Variants in TREM1 observed in about 807,000 individuals in gnomAD.
The protein encoded by TREM1 is triggering receptor expressed on monocytes 1.
Under a neutral mutation model 22.4 loss-of-function variants are expected in TREM1, and 16 were observed. The observed-to-expected ratio is 0.71, with a 90% confidence interval of 0.48 to 1.08. The LOEUF (loss-of-function observed/expected upper bound fraction) is 1.08. Among genes scored for constraint, TREM1 ranks in the 50% least tolerant of loss-of-function variants. The pLI is 0.00. For synonymous variants in TREM1, 110 were observed against 111.6 expected (o/e 0.99, Z 0.09); for missense variants, 283 against 282.9 (o/e 1.00, Z 0.00).
chr6:41,282,913 A>T (rs1581635139), intron 1 of TREM1, among the ~76,000 whole-genome samples, 162 bp from the exon 2 acceptor site: 1 of 151,772 alleles, frequency 6.6e-6, no homozygotes, highest in East Asian at 1.9e-4. Flanking sequence ...GCAAGCCAGC[A>T]CTAGACCTCA....
intron 1 of TREM1, 116 bp from the exon 2 acceptor site, chr6:41,282,867 G>T: frequency 2.2e-6 from 2 of 916,614 alleles, no homozygotes; most frequent in Admixed American, 2.3e-5. Context: ...TTCAGATGAG[G>T]TTCTTGAGGC....
At position 41,281,118 on chromosome 6, in the gene TREM1, T is replaced by A. The variant is rs2113986783; in HGVS notation, c.442A>T (p.Thr148Ser). The A allele has an allele frequency of 6.2e-7, 1 of 1,614,110 alleles. No individual in the cohort carries two copies. The highest frequency in any genetic ancestry group is 8.5e-7 in the Non-Finnish European group (1 of 1,179,988). ...SGTPGSNENS[T>S]QNVYKIPPTT... ...GGAGGAATCTTATACACATTCTGGG[T>A]AGAATTCTCATTGGAGCCAGGGGTC... The change falls in exon 3 of 4, where the codon ACC (threonine) becomes TCC (serine). Residue 148 changes from threonine (T) to serine (S), a missense_variant. Thr to Ser is a moderately conservative substitution (Grantham distance 58). Coordinates refer to ENST00000244709, the MANE Select transcript of TREM1 (RefSeq NM_018643.5).
At chr6:41,286,419 T>C (rs916565069) in intron 1 of TREM1, among the ~76,000 whole-genome samples, 188 bp downstream of exon 1, 3 of 152,006 alleles carry the variant, frequency 2.0e-5, no homozygotes, top group African/African-American at 7.2e-5. Flanking sequence ...TCCCTGACTC[T>C]CTCCTTCTTT....
chr6:41,271,124 G>A (rs34542207), downstream of TREM1, among the ~76,000 whole-genome samples: 14,204 of 152,140 alleles, frequency 0.093, 730 homozygotes, highest in South Asian at 0.13. Flanking sequence ...CAGTCAACCT[G>A]AACAGTTGTA....
chr6:41,281,994 C>G, intron 2 of TREM1: 1 of 211,466 alleles, frequency 4.7e-6, no homozygotes, highest in South Asian at 8.5e-5. Context: ...TTGGAGTGTG[C>G]ATTTGAAATA....
downstream of TREM1, among the ~76,000 whole-genome samples, chr6:41,272,169 G>T (rs1293429185): frequency 6.6e-6 from 1 of 152,064 alleles, no homozygotes; most frequent in Admixed American, 6.6e-5. Flanking sequence ...GAAAAAGAGA[G>T]GCAGGCTGGC....
intron 3 of TREM1, among the ~76,000 whole-genome samples, chr6:41,268,498 G>A (rs371639487): frequency 2.0e-4 from 31 of 152,316 alleles, no homozygotes; most frequent in African/African-American, 7.0e-4. Flanking sequence ...CCATCCACTG[G>A]TGCCTGAATT....
chr6:41,283,709 TA>T (rs545773140), intron 1 of TREM1, among the ~76,000 whole-genome samples: 13,740 of 148,808 alleles, frequency 0.092, 750 homozygotes, highest in African/African-American at 0.14. Context: ...AAGACTCTGT[TA>T]AAAAAAAAAA....
intron 3 of TREM1, among the ~76,000 whole-genome samples, chr6:41,268,556 T>A (rs1355148739): frequency 6.6e-6 from 1 of 152,046 alleles, no homozygotes; most frequent in Non-Finnish European, 1.5e-5. Context: ...TTCCCTGAAC[T>A]CAATAAAGAT....
At position 41,282,443 on chromosome 6, in the gene TREM1, T is replaced by C; in HGVS notation, c.358A>G (p.Lys120Glu). The part of the protein sequence containing the change: ...LYQCVIYQPP[K>E]EPHMLFDRIR... Reference sequence around the variant, plus strand: ...CGATCGAACAGCATGTGAGGCTCCTTGGGAGGCTGGTAGATCACACACTGA... The same window carrying C: ...CGATCGAACAGCATGTGAGGCTCCTCGGGAGGCTGGTAGATCACACACTGA... The change falls in exon 2 of 4, where the codon AAG (lysine) becomes GAG (glutamate). Residue 120 changes from lysine to glutamate, a missense_variant. Physicochemically the swap from Lys to Glu is moderately conservative, Grantham distance 56. Transcript: ENST00000244709. 1 of 1,614,044 alleles carries C rather than the reference T, an allele frequency of 6.2e-7. No homozygotes were observed. The highest frequency in any genetic ancestry group is 2.2e-5 in the East Asian group (1 of 44,862).
At chr6:41,282,959 A>C (rs1330803429) in intron 1 of TREM1, among the ~76,000 whole-genome samples, 1 of 151,414 alleles carries the variant, frequency 6.6e-6, no homozygotes, top group Non-Finnish European at 1.5e-5. Context: ...TTACTATAAG[A>C]GACTGCATAT....
chr6:41,282,266 T>A lies in TREM1; in HGVS notation c.406+129A>T, dbSNP rs573622453. On this transcript the variant is annotated intron_variant, in intron 2 of 3. Coordinates refer to ENST00000244709, the MANE Select transcript of TREM1 (RefSeq NM_018643.5). ...GTTCTACTTACTACTGGACCTTAGATGAGAGATAAAGAGGTCCTGGGAGGA... is the reference window on the plus strand; with the variant it reads ...GTTCTACTTACTACTGGACCTTAGAAGAGAGATAAAGAGGTCCTGGGAGGA... 24 of 720,608 alleles carry A rather than the reference T, an allele frequency of 3.3e-5. No individual in the cohort carries two copies. The East Asian group carries it at 5.5e-4, about 17-fold the overall frequency. The allele number at this position is 720,608 out of a possible 1,614,324, so 44.6% of individuals were successfully genotyped here. A position where few individuals can be genotyped will look rare whatever the true frequency, so the allele number is the denominator to read the frequency against.
At chr6:41,267,872 A>G (rs1767372145), downstream of TREM1, 6 of 398,210 alleles carry the variant, frequency 1.5e-5, no homozygotes, top group South Asian at 7.8e-4. Context: ...ACAAAAGCTA[A>G]AGCTAAAACA....
At chr6:41,280,917 G>A in intron 3 of TREM1, 44 bp downstream of exon 3, 1 of 1,613,846 alleles carries the variant, frequency 6.2e-7, no homozygotes, top group Non-Finnish European at 8.5e-7. Context: ...GGAAACAAAG[G>A]GCTCAGTGTC....
At chr6:41,271,802 T>A (rs904107107), downstream of TREM1, among the ~76,000 whole-genome samples, 7 of 152,158 alleles carry the variant, frequency 4.6e-5, no homozygotes, top group Non-Finnish European at 1.0e-4. Context: ...CATTACCTGA[T>A]CCCATTCCAG....
Position 41,282,381 on chromosome 6 carries a change from C to A in TREM1, c.406+14G>T. The A allele has an allele frequency of 6.3e-7, 1 of 1,589,864 alleles. No homozygotes were observed. The highest frequency in any genetic ancestry group is 1.1e-5 in the South Asian group (1 of 88,560). On this transcript the variant is annotated intron_variant, in intron 2 of 3. Coordinates refer to ENST00000244709, the MANE Select transcript of TREM1 (RefSeq NM_018643.5). ...ACCTGGCCCTTCTTTCCCCCCAAGT[C>A]CCAGGCCACTCACCCTTGGTCACCA...
chr6:41,271,319 G>A (rs1027577204), downstream of TREM1, among the ~76,000 whole-genome samples: 1 of 152,064 alleles, frequency 6.6e-6, no homozygotes, highest in Non-Finnish European at 1.5e-5. Flanking sequence ...CCTGTGAGTC[G>A]GTTCCATTTA....
intron 2 of TREM1, chr6:41,281,831 AAACC>A (rs1355455642): frequency 6.3e-6 from 1 of 159,676 alleles, no homozygotes; most frequent in African/African-American, 2.4e-5. Context: ...ACAGATAAGT[AAACC>A]CCCCTCTCCT....
In TREM1 at chr6:41,282,470, A is replaced by G. The variant is rs1250293151; in HGVS notation, c.331T>C (p.Tyr111His). The G allele has an allele frequency of 6.2e-7, 1 of 1,614,036 alleles. No homozygotes were observed. Among genetic ancestry groups the G allele is most frequent in the Non-Finnish European group, 8.5e-7 (1 of 1,180,038 alleles). Residue 111 changes from tyrosine to histidine, a missense_variant, in exon 2 of 4, where the codon TAT (tyrosine) becomes CAT (histidine). Transcript: ENST00000244709. ...GGAGGCTGGTAGATCACACACTGAT[A>G]CAGTCCAGAATCTTCCACTTGAAGG... is the stretch of plus-strand genomic sequence containing the variant. Reference protein sequence around the residue: ...VNLQVEDSGLYQCVIYQPPKE... With the variant: ...VNLQVEDSGLHQCVIYQPPKE...
Sources: allele counts gnomAD v4.1 joint callset (sites outside exome capture counted in the v4.1 genomes callset), GRCh38; gene constraint gnomAD v4.1.1; transcripts MANE v1.5; gene names NCBI Gene and HGNC (gene_info 2026-07-23, HGNC 2026-07-21).